TDRD12: variants seen among roughly 807,000 people sequenced by gnomAD.
The protein encoded by TDRD12 is putative ATP-dependent RNA helicase TDRD12.
In TDRD12, 158 loss-of-function variants were observed where a neutral mutation model predicts 133.5. The ratio of observed to expected loss-of-function variants is 1.18; its 90% CI spans 1.04 to 1.35. The LOEUF (loss-of-function observed/expected upper bound fraction) is 1.35. TDRD12 is among the 40% of genes most tolerant of loss of function. The pLI is 0.00. For synonymous variants in TDRD12, 460 were observed against 477.9 expected, an observed-to-expected ratio of 0.96 and a Z score of 0.49; for missense variants, 1,443 against 1,321.3, an observed-to-expected ratio of 1.09 and a Z score of -1.43.
At chr19:32,753,211 C>A (rs144400925) in intron 6 of TDRD12, among the ~76,000 whole-genome samples, 1 of 152,140 alleles carries the variant, frequency 6.6e-6, no homozygotes, top group Admixed American at 6.6e-5. Flanking sequence ...ATTGTAGGTC[C>A]TCTCAGCAGA....
chr19:32,808,945 T>G (rs1472802923), intron 22 of TDRD12, among the ~76,000 whole-genome samples: 1 of 151,954 alleles, frequency 6.6e-6, no homozygotes, highest in Non-Finnish European at 1.5e-5. Flanking sequence ...ATTATTTTAT[T>G]TTTATATATT....
chr19:32,758,229 T>G (rs1280445294), intron 8 of TDRD12, among the ~76,000 whole-genome samples: 1 of 152,222 alleles, frequency 6.6e-6, no homozygotes, highest in Non-Finnish European at 1.5e-5. Flanking sequence ...TGTAACCTCA[T>G]TCTTCTTGGA....
chr19:32,724,044 A>G (rs1217416738), intron 1 of TDRD12, among the ~76,000 whole-genome samples: 1 of 151,920 alleles, frequency 6.6e-6, no homozygotes, highest in Non-Finnish European at 1.5e-5. Flanking sequence ...ATTTTTTTAG[A>G]GACAGGGTCT....
chr19:32,747,846 TA>T (rs889274915), intron 4 of TDRD12, among the ~76,000 whole-genome samples: 54 of 151,030 alleles, frequency 3.6e-4, no homozygotes, highest in East Asian at 1.2e-3. Context: ...CTCTCTCTAT[TA>T]AAAAAAAAAT....
intron 4 of TDRD12, among the ~76,000 whole-genome samples, chr19:32,746,950 G>GAGA (rs1555764793): frequency 7.3e-6 from 1 of 136,204 alleles, no homozygotes; most frequent in African/African-American, 2.8e-5. Context: ...GAGAGAGAGA[G>GAGA]GGGGAGAGAC....
chr19:32,804,053 A>C (rs2145708022), intron 21 of TDRD12, among the ~76,000 whole-genome samples: 1 of 152,004 alleles, frequency 6.6e-6, no homozygotes, highest in South Asian at 2.1e-4. Flanking sequence ...GATGATGAAC[A>C]GGCATTTTTA....
intron 11 of TDRD12, among the ~76,000 whole-genome samples, chr19:32,787,248 G>C (rs1970934995): frequency 6.6e-6 from 1 of 152,004 alleles, no homozygotes; most frequent in Non-Finnish European, 1.5e-5. Context: ...CCTGGGCAGA[G>C]GCTGCAGAAC....
intron 11 of TDRD12, among the ~76,000 whole-genome samples, chr19:32,780,084 CT>C (rs11395360): frequency 1.8e-3 from 226 of 127,748 alleles, no homozygotes; most frequent in Admixed American, 4.7e-3. Flanking sequence ...TTTTTCTTTT[CT>C]TTTTTTTTTT....
chr19:32,758,764 G>A (rs762309058), intron 8 of TDRD12, among the ~76,000 whole-genome samples: 19 of 152,040 alleles, frequency 1.2e-4, no homozygotes, highest in Non-Finnish European at 1.9e-4. Context: ...GTGAAACCCC[G>A]TCTCTGCTAA....
intron 6 of TDRD12, among the ~76,000 whole-genome samples, chr19:32,753,427 T>C (rs1337513996): frequency 6.6e-6 from 1 of 152,176 alleles, no homozygotes; most frequent in African/African-American, 2.4e-5. Flanking sequence ...GGCCTTGAAC[T>C]CCTGGGCTCA....
chr19:32,751,400 T>TA (rs1331502204), intron 6 of TDRD12, among the ~76,000 whole-genome samples: 5 of 152,140 alleles, frequency 3.3e-5, no homozygotes, highest in African/African-American at 1.2e-4. Context: ...ACAGAGATGT[T>TA]AGTTTTTCCT....
At chr19:32,732,341 A>C (rs1269226091) in intron 2 of TDRD12, among the ~76,000 whole-genome samples, 1 of 152,130 alleles carries the variant, frequency 6.6e-6, no homozygotes, top group Non-Finnish European at 1.5e-5. Flanking sequence ...GATTCAGGCT[A>C]GTCATGGAAG....
At chr19:32,764,890 G>A (rs1442695223) in intron 8 of TDRD12, among the ~76,000 whole-genome samples, 2 of 151,466 alleles carry the variant, frequency 1.3e-5, no homozygotes, top group African/African-American at 4.8e-5. Context: ...TGACAAATGG[G>A]ATCTAATTAA....
intron 18 of TDRD12, 51 bp from the exon 19 acceptor site, chr19:32,801,704 CT>C: frequency 1.6e-6 from 1 of 628,128 alleles, no homozygotes; most frequent in Non-Finnish European, 2.5e-6. Flanking sequence ...GAACGGTTGG[CT>C]TCCAGCCTAT....
chr19:32,720,442 C>T (rs1299892067), intron 1 of TDRD12, among the ~76,000 whole-genome samples: 1 of 53,422 alleles, frequency 1.9e-5, no homozygotes, highest in African/African-American at 9.2e-5. Flanking sequence ...ATGCCCCCAC[C>T]CCATCTCACT....
intron 25 of TDRD12, among the ~76,000 whole-genome samples, chr19:32,814,715 C>T (rs1167166115): frequency 5.3e-5 from 8 of 152,220 alleles, no homozygotes; most frequent in East Asian, 1.9e-4. Context: ...GCAGTGACCA[C>T]GGCGGCCAGA....
chr19:32,819,634 G>A (rs1175742557), intron 27 of TDRD12, among the ~76,000 whole-genome samples: 1 of 152,220 alleles, frequency 6.6e-6, no homozygotes, highest in South Asian at 2.1e-4. Context: ...CCGTGGTCAC[G>A]AACACAGAGC....
In TDRD12 at chr19:32,774,021, G is replaced by C. The variant is rs118109614; in HGVS notation, c.1040+489G>C. On this transcript the variant is annotated intron_variant, in intron 10 of 27. Coordinates refer to ENST00000444215, the Ensembl canonical transcript of TDRD12. The stretch of plus-strand genomic sequence containing the variant: ...CCTCACGTGGCCAGATGGCAGCACA[G>C]GGTGGGTGGTTACCCAGGGCGGAAA... Among the ~76,000 whole-genome samples the C allele has an allele frequency of 8.0e-3, 1,217 of 152,340 alleles. 3 individuals carry two copies. Among genetic ancestry groups the C allele is most frequent in the Non-Finnish European group, 0.012 (787 of 68,042 alleles).
intron 24 of TDRD12, among the ~76,000 whole-genome samples, chr19:32,811,730 C>T (rs1007514984): frequency 6.6e-6 from 1 of 152,114 alleles, no homozygotes; most frequent in African/African-American, 2.4e-5. Context: ...ACATTCCAGG[C>T]TGGGTGCTGT....
Sources: gnomAD v4.1 joint callset for allele counts (sites outside exome capture counted in the v4.1 genomes callset) on GRCh38, gnomAD v4.1.1 for gene constraint, MANE v1.5 for transcripts, NCBI Gene and HGNC (gene_info 2026-07-23, HGNC 2026-07-21) for gene names.